DLX6: variants seen among roughly 807,000 people sequenced by gnomAD.
The protein encoded by DLX6 is distal-less homeobox 6.
A neutral mutation model predicts 33.5 loss-of-function variants in DLX6; 4 were observed. The ratio of observed to expected loss-of-function variants is 0.12; its 90% CI spans 0.06 to 0.27. The LOEUF (loss-of-function observed/expected upper bound fraction) is 0.27, where lower values mean the gene tolerates loss of function less well. Ranked by LOEUF, DLX6 falls within the 10% of genes least tolerant of loss-of-function variation. The pLI, the probability that DLX6 is intolerant of heterozygous loss-of-function variation, is 1.00. For synonymous variants in DLX6, 184 were observed against 164.8 expected (o/e 1.12, Z -0.89); for missense variants, 382 against 393.3 (o/e 0.97, Z 0.24).
At position 97,006,091 on chromosome 7, in the gene DLX6, G is replaced by A. The variant is rs748663182; in HGVS notation, c.114G>A (p.Gln38=). 1 of 1,559,996 alleles carries A rather than the reference G, an allele frequency of 6.4e-7. No homozygotes were observed. The highest frequency in any genetic ancestry group is 8.7e-7 in the Non-Finnish European group (1 of 1,153,444). ...QQQQQQQQQQ[Q]QQQQQQPPPP... is the part of the protein sequence containing the mutation. ...AGCAGCAGCAACAGCAGCAGCAGCAGCAGCAGCAACAGCAACAGCCGCCGC... is the reference window on the plus strand; with the variant it reads ...AGCAGCAGCAACAGCAGCAGCAGCAACAGCAGCAACAGCAACAGCCGCCGC... Residue 38 remains glutamine (Q), a synonymous_variant, in exon 1 of 3, where the codon CAG becomes CAA. Transcript: ENST00000518156.
chr7:97,006,568 TGGCGCCTGCCTGCC>T, intron 1 of DLX6, 155 bp downstream of exon 1: 1 of 670,114 alleles, frequency 1.5e-6, no homozygotes, highest in Middle Eastern at 5.8e-4. Context: ...CCCGCTCGCC[TGGCGCCTGCCTGCC>T]GGCCTCTCCC....
In DLX6 at chr7:97,009,940, G is replaced by A; in HGVS notation, c.775G>A (p.Ala259Thr). The change falls in exon 3 of 3, where the codon GCC becomes ACC. Residue 259 changes from alanine to threonine, a missense_variant. Around this residue, in one of 4 missense-constraint regions of DLX6, gnomAD observed 96 missense variants for 93.3 expected, o/e 1.03. Transcript: ENST00000518156. ...PALPPVWDVS[A>T]SAKGVSMPPN... ...GCTGCCTCCAGTCTGGGACGTTTCT[G>A]CCTCGGCCAAGGGTGTCAGTATGCC... The A allele has an allele frequency of 6.2e-7, 1 of 1,613,926 alleles. No individual in the cohort carries two copies. Among genetic ancestry groups the A allele is most frequent in the Non-Finnish European group, 8.5e-7 (1 of 1,179,856 alleles).
intron 2 of DLX6, among the ~76,000 whole-genome samples, 165 bp downstream of exon 2, chr7:97,007,996 T>G (rs1789774898): frequency 6.6e-6 from 1 of 152,218 alleles, no homozygotes; most frequent in South Asian, 2.1e-4. Context: ...CAACACAGTT[T>G]GGAATGAATG....
rs1418897010 is a variant in DLX6, at chr7:97,009,849, G to C, written c.684G>C (p.Gln228His). The C allele has an allele frequency of 5.6e-6, 9 of 1,613,936 alleles. No individual in the cohort carries two copies. Among genetic ancestry groups the C allele is most frequent in the Non-Finnish European group, 7.6e-6 (9 of 1,179,916 alleles). ...KRSKFKKLLK[Q>H]GSNPHESDPL... ...CTAAGTTTAAGAAACTGCTGAAGCA[G>C]GGCAGTAATCCTCATGAGAGCGACC... is the stretch of plus-strand genomic sequence containing the variant. The change falls in exon 3 of 3, where the codon CAG becomes CAC. Residue 228 changes from glutamine to histidine, a missense_variant. Physicochemically the swap from Gln to His is conservative, Grantham distance 24. This residue lies in a region of DLX6 where 96 missense variants were observed against 93.3 expected (regional missense o/e 1.03). Transcript: ENST00000518156.
Position 97,007,645 on chromosome 7 carries a change from A to G in DLX6, c.444A>G (p.Gln148=), listed in dbSNP as rs572163327. 32 of 1,609,720 alleles carry G rather than the reference A, an allele frequency of 2.0e-5. No homozygotes were observed. The East Asian group carries it at 6.0e-4, about 30-fold the overall frequency. ...TGTATTATTTGCTTACAGATCAACA[A>G]AAAACTACAGTGATTGAAAACGGGG... is the stretch of plus-strand genomic sequence containing the variant. ...AQTRGDDTDQ[Q]KTTVIENGEI... Residue 148 remains glutamine (Q), a synonymous_variant, in exon 2 of 3, where the codon CAA becomes CAG. Transcript: ENST00000518156.
rs753838572 is a variant in DLX6, at chr7:97,005,843, CTTTTTTTTTTTT to C, written c.-122_-111del. ...CCACCTCCACCCCCCTCTTTAAATT[CTTTTTTTTTTTT>C]TTTTTTTTTTTTGCAAGGATCCAAA... On this transcript the variant is annotated 5_prime_UTR_variant, in exon 1 of 3. Transcript: ENST00000518156. 4.2e-4 allele frequency: 96 copies of C among 226,560 alleles called. 2 individuals are homozygous for C. Among genetic ancestry groups the C allele is most frequent in the East Asian group, 1.7e-3 (21 of 12,424 alleles). 14.0% of individuals were successfully genotyped at this position (226,560 alleles called of 1,614,324 possible).
Position 97,006,368 on chromosome 7 carries a change from T to A in DLX6, c.391T>A (p.Tyr131Asn). The change falls in exon 1 of 3, where the codon TAC (tyrosine) becomes AAC (asparagine). Residue 131 changes from tyrosine to asparagine, a missense_variant. Physicochemically the swap from Tyr to Asn is moderately radical, Grantham distance 143. Transcript: ENST00000518156. ...GCAGCACAGCCCTTACCTCCAGTCC[T>A]ACCACAACAGCAGCGCAGCCGCCCA... is the stretch of plus-strand genomic sequence containing the variant. ...HSQHSPYLQSYHNSSAAAQTR... is the reference protein window; with the variant it reads ...HSQHSPYLQSNHNSSAAAQTR... 1 of 1,467,570 alleles carries A rather than the reference T, an allele frequency of 6.8e-7. No homozygotes were observed. Among genetic ancestry groups the A allele is most frequent in the East Asian group, 2.8e-5 (1 of 35,310 alleles). 90.9% of individuals were successfully genotyped at this position (1,467,570 alleles called of 1,614,324 possible). A position where few individuals can be genotyped will look rare whatever the true frequency, so the allele number is the denominator to read the frequency against.
Position 97,010,829 on chromosome 7 carries a change from T to A in DLX6, c.*782T>A. 1 of 66,600 alleles carries A rather than the reference T, an allele frequency of 1.5e-5. No individual in the cohort carries two copies. The highest frequency in any genetic ancestry group is 5.9e-5 in the African/African-American group (1 of 16,910). The allele number at this position is 66,600 out of a possible 1,614,324, so 4.1% of individuals were successfully genotyped here. ...TTCCCCACCCCACCCCCCCAAACCC[T>A]GAACTGGAATCAGGAAAGACGGAGG... On this transcript the variant is annotated 3_prime_UTR_variant, in exon 3 of 3. Transcript: ENST00000518156.
intron 2 of DLX6, among the ~76,000 whole-genome samples, chr7:97,009,218 A>G (rs1372966413): frequency 2.0e-5 from 3 of 152,236 alleles, no homozygotes; most frequent in African/African-American, 7.2e-5. Context: ...TGGCATATGC[A>G]ATATATGCAT....
chr7:97,006,076 ACAGCAGCAG>A lies in DLX6; in HGVS notation c.114_122del (p.Gln42_Gln44del), dbSNP rs747232821. 8.1e-6 allele frequency: 12 copies of A among 1,484,038 alleles called. No individual in the cohort carries two copies. The highest frequency in any genetic ancestry group is 1.4e-5 in the African/African-American group (1 of 71,870). 91.9% of individuals were successfully genotyped at this position (1,484,038 alleles called of 1,614,324 possible). A position where few individuals can be genotyped will look rare whatever the true frequency, so the allele number is the denominator to read the frequency against. ...GGCAGCAGCAGCAGCAGCAGCAGCA[ACAGCAGCAG>A]CAGCAGCAGCAGCAACAGCAACAGC... On this transcript the variant is annotated inframe_deletion, in exon 1 of 3. Coordinates refer to ENST00000518156, the MANE Select transcript of DLX6 (RefSeq NM_005222.4).
At position 97,005,760 on chromosome 7, in the gene DLX6, T is replaced by G. The variant is rs1325292059; in HGVS notation, c.-218T>G. The stretch of plus-strand genomic sequence containing the variant: ...TTTGAGTTAACAAGGCCCCGCTCAC[T>G]ATATCTCTTTATATTAAATATATAT... On this transcript the variant is annotated 5_prime_UTR_variant, in exon 1 of 3. Transcript: ENST00000518156. The G allele has an allele frequency of 4.1e-6, 1 of 245,544 alleles. No individual in the cohort carries two copies. Among genetic ancestry groups the G allele is most frequent in the East Asian group, 7.3e-5 (1 of 13,684 alleles). 15.2% of individuals were successfully genotyped at this position (245,544 alleles called of 1,614,324 possible).
chr7:97,007,615 T>C (rs1431027242), intron 1 of DLX6, 23 bp from the exon 2 acceptor site: 1 of 1,592,872 alleles, frequency 6.3e-7, no homozygotes. Context: ...GGGTGACCGC[T>C]CCTCTGTATT....
Position 97,005,921 on chromosome 7 carries a change from G to C in DLX6, c.-57G>C. 7.1e-7 allele frequency: 1 copy of C among 1,406,764 alleles called. No individual in the cohort carries two copies. 87.1% of individuals were successfully genotyped at this position (1,406,764 alleles called of 1,614,324 possible). ...CAGAGGGGAGAGCGGCGCGAGCCAA[G>C]TGGGGGAGGGTGGAGGAAACCCGGG... On this transcript the variant is annotated 5_prime_UTR_variant, in exon 1 of 3. Coordinates refer to ENST00000518156, the MANE Select transcript of DLX6 (RefSeq NM_005222.4).
chr7:97,005,896 C>A lies in DLX6; in HGVS notation c.-82C>A. The A allele has an allele frequency of 2.6e-6, 2 of 778,058 alleles. No individual in the cohort carries two copies. The highest frequency in any genetic ancestry group is 3.6e-6 in the Non-Finnish European group (2 of 551,586). The allele number at this position is 778,058 out of a possible 1,614,324, so 48.2% of individuals were successfully genotyped here. ...AGGATCCAAAGAGCTAAGGTGGCTG[C>A]AGAGGGGAGAGCGGCGCGAGCCAAG... On this transcript the variant is annotated 5_prime_UTR_variant, in exon 1 of 3. Coordinates refer to ENST00000518156, the MANE Select transcript of DLX6 (RefSeq NM_005222.4).
intron 2 of DLX6, among the ~76,000 whole-genome samples, chr7:97,008,515 A>G (rs1479930542): frequency 6.6e-6 from 1 of 152,226 alleles, no homozygotes; most frequent in East Asian, 1.9e-4. Context: ...GTAACAGGTG[A>G]AGCCACAGTT....
Position 97,006,079 on chromosome 7 carries a change from G to GCAA in DLX6, c.104_105insACA (p.Gln44dup). The GCAA allele has an allele frequency of 7.6e-7, 1 of 1,320,770 alleles. No homozygotes were observed. The highest frequency in any genetic ancestry group is 1.0e-6 in the Non-Finnish European group (1 of 977,082). The allele number at this position is 1,320,770 out of a possible 1,614,324, so 81.8% of individuals were successfully genotyped here. A position where few individuals can be genotyped will look rare whatever the true frequency, so the allele number is the denominator to read the frequency against. ...AGCAGCAGCAGCAGCAGCAGCAACA[G>GCAA]CAGCAGCAGCAGCAGCAGCAACAGC... On this transcript the variant is annotated inframe_insertion, in exon 1 of 3. Coordinates refer to ENST00000518156, the MANE Select transcript of DLX6 (RefSeq NM_005222.4).
intron 2 of DLX6, 89 bp from the exon 3 acceptor site, chr7:97,009,707 C>T: frequency 6.5e-7 from 1 of 1,527,054 alleles, no homozygotes; most frequent in Non-Finnish European, 8.8e-7. Flanking sequence ...TGTTTTTTTG[C>T]TTTTTTAATA....
rs1057249353 is a variant in DLX6 at position 97,006,508 on chromosome 7, G to C, written c.436+95G>C. 303 of 1,203,760 alleles carry C rather than the reference G, an allele frequency of 2.5e-4. 1 individual carries two copies. The highest frequency in any genetic ancestry group is 9.9e-5 in the Non-Finnish European group (95 of 959,274). 74.6% of individuals were successfully genotyped at this position (1,203,760 alleles called of 1,614,324 possible). A position where few individuals can be genotyped will look rare whatever the true frequency, so the allele number is the denominator to read the frequency against. On this transcript the variant is annotated intron_variant, in intron 1 of 2. Coordinates refer to ENST00000518156, the MANE Select transcript of DLX6 (RefSeq NM_005222.4). ...TTCCTCGACGCCCGGGCCTCCGCCG[G>C]CCCCCTCCCCCAGGCGGCCCCGCGC... is the stretch of plus-strand genomic sequence containing the variant.
Position 97,010,084 on chromosome 7 carries a change from A to C in DLX6, c.*37A>C. Reference sequence around the variant, plus strand: ...GAACACCCTAGGGAAACGTCTGAACAAGGAAAAGAGGATCCGGGACCTGCT... The same window carrying C: ...GAACACCCTAGGGAAACGTCTGAACCAGGAAAAGAGGATCCGGGACCTGCT... On this transcript the variant is annotated 3_prime_UTR_variant, in exon 3 of 3. Coordinates refer to ENST00000518156, the MANE Select transcript of DLX6 (RefSeq NM_005222.4). 6.4e-7 allele frequency: 1 copy of C among 1,557,000 alleles called. No individual in the cohort carries two copies.
Sources: allele counts gnomAD v4.1 joint callset (sites outside exome capture counted in the v4.1 genomes callset), GRCh38; gene constraint gnomAD v4.1.1; regional missense constraint gnomAD v4.1.1; transcripts MANE v1.5; gene names NCBI Gene and HGNC (gene_info 2026-07-23, HGNC 2026-07-21).